Variants in JAK2 observed in about 807,000 individuals in gnomAD.
The protein encoded by JAK2 is Janus kinase 2.
A neutral mutation model predicts 139.3 loss-of-function variants in JAK2; 86 were observed. The ratio of observed to expected loss-of-function variants is 0.62; its 90% CI spans 0.52 to 0.74. The LOEUF (loss-of-function observed/expected upper bound fraction) is 0.74, where lower values mean the gene tolerates loss of function less well. Among genes scored for constraint, JAK2 ranks in the 30% least tolerant of loss-of-function variants. The pLI is 0.00. For synonymous variants in JAK2, 490 were observed against 437.7 expected (o/e 1.12, Z -1.49); for missense variants, 1,421 against 1,360.3 (o/e 1.04, Z -0.70).
At chr9:5,009,711 G>T (rs1419812589) in intron 2 of JAK2, among the ~76,000 whole-genome samples, 1 of 151,788 alleles carries the variant, frequency 6.6e-6, no homozygotes, top group Non-Finnish European at 1.5e-5. Context: ...TTTTATGTGT[G>T]TGCAGACAAC....
chr9:5,015,759 T>C (rs575222316), intron 2 of JAK2, among the ~76,000 whole-genome samples: 7 of 152,356 alleles, frequency 4.6e-5, no homozygotes, highest in South Asian at 4.1e-4. Context: ...TTCTAAATGA[T>C]TGAATTCATT....
Position 5,105,914 on chromosome 9 carries a change from A to G in JAK2, c.3059+15003A>G, listed in dbSNP as rs568718834. Among the ~76,000 whole-genome samples the G allele has an allele frequency of 2.6e-5, 4 of 152,372 alleles. No individual in the cohort carries two copies. In the South Asian group the frequency reaches 6.2e-4, roughly 24 times the overall value. ...TTACACCTTATAGAAAAATTAATTC[A>G]AGATGGATTAAAGACTTAAATGTTA... On this transcript the variant is annotated intron_variant, in intron 22 of 24. Transcript: ENST00000381652.
intron 4 of JAK2, among the ~76,000 whole-genome samples, chr9:5,033,882 C>A (rs7875265): frequency 0.35 from 52,937 of 151,992 alleles, 10,105 homozygotes; most frequent in African/African-American, 0.51. Context: ...TCAAATTCAC[C>A]CATAACAATA....
chr9:5,100,621 G>A (rs916476551), intron 22 of JAK2: 2 of 152,222 alleles, frequency 1.3e-5, no homozygotes, highest in African/African-American at 2.4e-5. Flanking sequence ...ACGCTTAGAA[G>A]TACCTTTCTG....
chr9:5,015,664 C>T (rs1019765489), intron 2 of JAK2, among the ~76,000 whole-genome samples: 5 of 151,640 alleles, frequency 3.3e-5, no homozygotes, highest in South Asian at 4.2e-4. Flanking sequence ...TTTTCTTTCT[C>T]GTCATGTACT....
intron 3 of JAK2, among the ~76,000 whole-genome samples, chr9:5,028,372 C>A (rs1459365022): frequency 6.6e-6 from 1 of 152,164 alleles, no homozygotes; most frequent in Admixed American, 6.5e-5. Context: ...TACAGATGTG[C>A]TATCTTCTAG....
At chr9:5,041,798 T>A in intron 4 of JAK2, 1 of 486,086 alleles carries the variant, frequency 2.1e-6, no homozygotes, top group Non-Finnish European at 4.1e-6. Flanking sequence ...GGGACAAAGA[T>A]CAGCCGCACA....
intron 8 of JAK2, among the ~76,000 whole-genome samples, chr9:5,062,272 C>G (rs1818231946): frequency 6.6e-6 from 1 of 151,902 alleles, no homozygotes; most frequent in Non-Finnish European, 1.5e-5. Flanking sequence ...TTGGTATATG[C>G]AGGGGTCCTG....
rs58042774 is a variant in JAK2, at chr9:5,089,537, CAAAAAAAAAAA to C, written c.2572-119_2572-109del. The C allele has an allele frequency of 4.2e-4, 37 of 87,084 alleles. 2 individuals carry two copies. Among genetic ancestry groups the C allele is most frequent in the East Asian group, 4.1e-3 (17 of 4,144 alleles). The allele number at this position is 87,084 out of a possible 1,614,324, so 5.4% of individuals were successfully genotyped here. A position where few individuals can be genotyped will look rare whatever the true frequency, so the allele number is the denominator to read the frequency against. The stretch of plus-strand genomic sequence containing the variant: ...TGGGTGACAGAGCGAGACTTCGTCT[CAAAAAAAAAAA>C]AAAAAAAAAAAAAAAAAGACAGTCT... On this transcript the variant is annotated intron_variant, in intron 19 of 24. Coordinates refer to ENST00000381652, the MANE Select transcript of JAK2 (RefSeq NM_004972.4).
At chr9:5,126,661 T>A in intron 24 of JAK2, 23 bp from the exon 25 acceptor site, 2 of 1,514,066 alleles carry the variant, frequency 1.3e-6, no homozygotes, top group Non-Finnish European at 1.8e-6. Flanking sequence ...TCATTTAATT[T>A]TGGTTTATTT....
chr9:5,113,924 C>T (rs1020516151), intron 22 of JAK2: 7 of 241,224 alleles, frequency 2.9e-5, no homozygotes, highest in South Asian at 5.0e-5. Context: ...CACTTACCCC[C>T]GACCATCCAG....
chr9:5,085,582 C>A, intron 19 of JAK2: 1 of 692,938 alleles, frequency 1.4e-6, no homozygotes. Flanking sequence ...AGTTTGTGCC[C>A]CACCTATAGA....
At chr9:5,041,296 G>C in intron 4 of JAK2, 1 of 915,670 alleles carries the variant, frequency 1.1e-6, no homozygotes, top group South Asian at 1.5e-5. Context: ...CTGGTCTCAG[G>C]ACCAAGAAGC....
At chr9:5,113,387 ATTTT>A (rs780169214) in intron 22 of JAK2, among the ~76,000 whole-genome samples, 1 of 146,160 alleles carries the variant, frequency 6.8e-6, no homozygotes, top group East Asian at 2.0e-4. Context: ...CCTAAGCGTA[ATTTT>A]TTTTAAGGAA....
rs1819586932 is a variant in JAK2, at chr9:5,080,177, A to C, written c.2132-52A>C. ...CTTTAAAGCTATTTACATATAAAAG[A>C]TTGGTTTACTTGTGAATTATTTAAC... On this transcript the variant is annotated intron_variant, in intron 16 of 24. Transcript: ENST00000381652. 9 of 1,315,822 alleles carry C rather than the reference A, an allele frequency of 6.8e-6. No homozygotes were observed. In the South Asian group the frequency reaches 1.2e-4, roughly 17 times the overall value. The allele number at this position is 1,315,822 out of a possible 1,614,324, so 81.5% of individuals were successfully genotyped here. A position where few individuals can be genotyped will look rare whatever the true frequency, so the allele number is the denominator to read the frequency against.
intron 11 of JAK2, among the ~76,000 whole-genome samples, chr9:5,069,466 G>A (rs1818796942): frequency 6.6e-6 from 1 of 152,002 alleles, no homozygotes; most frequent in Non-Finnish European, 1.5e-5. Context: ...TTATTGAACT[G>A]GAAGATCTCA....
chr9:5,025,163 A>T (rs968586150), intron 3 of JAK2, among the ~76,000 whole-genome samples: 1 of 151,894 alleles, frequency 6.6e-6, no homozygotes, highest in African/African-American at 2.4e-5. Flanking sequence ...TTTCTGGGAG[A>T]AGGATAGGTC....
intron 2 of JAK2, among the ~76,000 whole-genome samples, chr9:5,013,442 A>G (rs1479730084): frequency 6.6e-6 from 1 of 152,238 alleles, no homozygotes; most frequent in Non-Finnish European, 1.5e-5. Context: ...AAACATTTAA[A>G]TGTATTTTAT....
intron 22 of JAK2, chr9:5,114,631 G>T: frequency 2.1e-6 from 1 of 481,340 alleles, no homozygotes; most frequent in South Asian, 1.6e-5. Flanking sequence ...CCGGACACTT[G>T]GCACAGCATG....
Sources: allele counts gnomAD v4.1 joint callset (sites outside exome capture counted in the v4.1 genomes callset), GRCh38; gene constraint gnomAD v4.1.1; transcripts MANE v1.5; gene names NCBI Gene and HGNC (gene_info 2026-07-23, HGNC 2026-07-21).